SLC14A2: variants seen among roughly 807,000 people sequenced by gnomAD.
SLC14A2 encodes the protein urea transporter 2.
A neutral mutation model predicts 104.6 loss-of-function variants in SLC14A2; 91 were observed. That is an observed-to-expected ratio of 0.87 (90% CI 0.73 to 1.04). The LOEUF (loss-of-function observed/expected upper bound fraction) is 1.04, where lower values mean the gene tolerates loss of function less well. Ranked by LOEUF, SLC14A2 falls within the 50% of genes least tolerant of loss-of-function variation. SLC14A2 has a pLI of 0.00. For missense variants in SLC14A2, 1,189 were observed against 1,156.0 expected (o/e 1.03, Z -0.41); for synonymous variants, 476 against 466.4 (o/e 1.02, Z -0.27).
intron 1 of SLC14A2, among the ~76,000 whole-genome samples, chr18:45,432,491 G>A (rs2086532392): frequency 6.6e-6 from 1 of 152,158 alleles, no homozygotes; most frequent in African/African-American, 2.4e-5. Context: ...GTCCCCTGGG[G>A]ATGTGCATCC....
At chr18:45,625,952 A>T in intron 3 of SLC14A2, 89 bp downstream of exon 3, 1 of 1,023,476 alleles carries the variant, frequency 9.8e-7, no homozygotes, top group African/African-American at 1.7e-5. Flanking sequence ...CTTCTCCCTC[A>T]CTCATTCACC....
At chr18:45,501,223 A>C (rs1169821285) in intron 2 of SLC14A2, among the ~76,000 whole-genome samples, 1 of 152,186 alleles carries the variant, frequency 6.6e-6, no homozygotes, top group Admixed American at 6.5e-5. Context: ...GACTCTGGCA[A>C]ACTGGCTCGC....
At chr18:45,606,506 AG>A (rs2044871065) in intron 2 of SLC14A2, among the ~76,000 whole-genome samples, 1 of 152,162 alleles carries the variant, frequency 6.6e-6, no homozygotes, top group South Asian at 2.1e-4. Flanking sequence ...ATTGCATTCA[AG>A]AACCCACCAC....
At chr18:45,278,516 A>G (rs540608943) in intron 1 of SLC14A2, among the ~76,000 whole-genome samples, 1 of 152,200 alleles carries the variant, frequency 6.6e-6, no homozygotes, top group Non-Finnish European at 1.5e-5. Context: ...GGCAGGAAAT[A>G]ATAAACTTGG....
chr18:45,593,244 G>A (rs1014879838), intron 2 of SLC14A2, among the ~76,000 whole-genome samples: 4 of 151,590 alleles, frequency 2.6e-5, no homozygotes, highest in African/African-American at 7.3e-5. Flanking sequence ...GTGAACCCGG[G>A]AGGCGGAGCT....
At chr18:45,203,166 C>T in the SLC14A2 span, among the ~76,000 whole-genome samples, 4 of 152,150 alleles carry the variant, frequency 2.6e-5, no homozygotes, top group Non-Finnish European at 5.9e-5. Flanking sequence ...AAATGACAGA[C>T]CCACGTTAGT....
intron 2 of SLC14A2, among the ~76,000 whole-genome samples, chr18:45,531,062 G>A (rs2043677320): frequency 1.3e-5 from 2 of 152,252 alleles, no homozygotes; most frequent in East Asian, 3.8e-4. Context: ...GTATTCCATG[G>A]TGTATATGTG....
At chr18:45,555,635 C>T (rs2044122417) in intron 2 of SLC14A2, among the ~76,000 whole-genome samples, 1 of 152,182 alleles carries the variant, frequency 6.6e-6, no homozygotes, top group African/African-American at 2.4e-5. Flanking sequence ...CTCTGGATCT[C>T]CAAGGCAAAG....
Position 45,682,639 on chromosome 18 carries a change from A to G in SLC14A2, c.*120A>G. 1.3e-6 allele frequency: 1 copy of G among 776,016 alleles called. No homozygotes were observed. The highest frequency in any genetic ancestry group is 2.3e-6 in the Non-Finnish European group (1 of 442,856). The allele number at this position is 776,016 out of a possible 1,614,324, so 48.1% of individuals were successfully genotyped here. A position where few individuals can be genotyped will look rare whatever the true frequency, so the allele number is the denominator to read the frequency against. On this transcript the variant is annotated 3_prime_UTR_variant, in exon 20 of 20. Transcript: ENST00000255226. ...GTTCTGTGACTCTCTCCCCAAACAC[A>G]AAGAAGCGTGTATGTAGTCACCATT...
intron 1 of SLC14A2, among the ~76,000 whole-genome samples, chr18:45,414,757 A>AAAAAAAAATATATATATAT (rs1360051908): frequency 2.6e-5 from 2 of 76,124 alleles, no homozygotes; most frequent in African/African-American, 7.7e-5. Flanking sequence ...AAAAAAAAAA[A>AAAAAAAAATATATATATAT]ATATATATAT....
intron 1 of SLC14A2, among the ~76,000 whole-genome samples, chr18:45,426,633 A>G (rs924931949): frequency 6.7e-6 from 1 of 148,592 alleles, no homozygotes; most frequent in African/African-American, 2.5e-5. Context: ...TATATATACT[A>G]TATATCTATA....
chr18:45,238,442 G>T (rs1228767271), intron 1 of SLC14A2, among the ~76,000 whole-genome samples: 3 of 152,194 alleles, frequency 2.0e-5, no homozygotes, highest in African/African-American at 7.2e-5. Context: ...GACTTTGAGG[G>T]ATTGCTACTC....
intron 10 of SLC14A2, among the ~76,000 whole-genome samples, chr18:45,645,884 A>G (rs1380318377): frequency 7.2e-5 from 11 of 152,132 alleles, no homozygotes; most frequent in African/African-American, 2.4e-4. Flanking sequence ...TCTACATACT[A>G]ATGCTTACAA....
At chr18:45,273,807 G>T (rs1478374015) in intron 1 of SLC14A2, among the ~76,000 whole-genome samples, 3 of 152,142 alleles carry the variant, frequency 2.0e-5, no homozygotes, top group East Asian at 3.9e-4. Context: ...GGAAATTAAA[G>T]CTTAACTGTG....
At chr18:45,272,345 G>A (rs2084659667) in intron 1 of SLC14A2, among the ~76,000 whole-genome samples, 2 of 152,076 alleles carry the variant, frequency 1.3e-5, no homozygotes, top group African/African-American at 4.8e-5. Context: ...CAACCTAAGT[G>A]TCCATCAACA....
chr18:45,209,036 A>C (rs1300966151), upstream of SLC14A2, among the ~76,000 whole-genome samples: 1 of 150,326 alleles, frequency 6.7e-6, no homozygotes, highest in Non-Finnish European at 1.5e-5. Flanking sequence ...TTAAAAAAAA[A>C]AAAAACAACA....
chr18:45,405,804 CAGG>C (rs1269672205), intron 1 of SLC14A2, among the ~76,000 whole-genome samples: 3 of 149,514 alleles, frequency 2.0e-5, no homozygotes, highest in Admixed American at 6.8e-5. Context: ...GAGGCTGAGG[CAGG>C]AGAATTGCTT....
At chr18:45,542,035 G>GTTTGTTTTTTTTTT (rs2043891585) in intron 2 of SLC14A2, among the ~76,000 whole-genome samples, 1 of 54,206 alleles carries the variant, frequency 1.8e-5, no homozygotes, top group Non-Finnish European at 3.7e-5. Flanking sequence ...AAGAGAGAGG[G>GTTTGTTTTTTTTTT]TTTTTTTTTT....
chr18:45,464,121 A>G (rs2087096200), intron 1 of SLC14A2, among the ~76,000 whole-genome samples: 1 of 152,206 alleles, frequency 6.6e-6, no homozygotes, highest in African/African-American at 2.4e-5. Context: ...GTTAAAGGAT[A>G]ATAATTCCAC....
Sources: gnomAD v4.1 joint callset for allele counts (sites outside exome capture counted in the v4.1 genomes callset) on GRCh38, gnomAD v4.1.1 for gene constraint, MANE v1.5 for transcripts, NCBI Gene and HGNC (gene_info 2026-07-23, HGNC 2026-07-21) for gene names.